IGF1R: variants seen among roughly 807,000 people sequenced by gnomAD.
IGF1R encodes insulin-like growth factor 1 receptor.
IGF1R carries 44 observed loss-of-function variants against 144.6 expected under a neutral mutation model. The observed-to-expected ratio is 0.30, with a 90% CI of 0.24 to 0.39. The LOEUF is 0.39. Among genes scored for constraint, IGF1R ranks in the 10% least tolerant of loss-of-function variants. IGF1R has a pLI of 1.00. For synonymous variants in IGF1R, 795 were observed against 722.8 expected (o/e 1.10, Z -1.60); for missense variants, 1,355 against 1,833.7 (o/e 0.74, Z 4.77).
intron 1 of IGF1R, among the ~76,000 whole-genome samples, chr15:98,661,955 C>CTTTTTTTTTTTTT (rs1567062333): frequency 2.8e-5 from 3 of 108,206 alleles, no homozygotes; most frequent in Admixed American, 9.6e-5. Context: ...TGAATAGGGC[C>CTTTTTTTTTTTTT]CTTTTTTTTT....
At chr15:98,903,406 C>T (rs2014579063) in intron 5 of IGF1R, among the ~76,000 whole-genome samples, 2 of 152,230 alleles carry the variant, frequency 1.3e-5, no homozygotes, top group East Asian at 1.9e-4. Context: ...CTCGACTGTG[C>T]AACACGCAGT....
chr15:98,855,361 C>T (rs958630209), intron 2 of IGF1R, among the ~76,000 whole-genome samples: 1 of 152,212 alleles, frequency 6.6e-6, no homozygotes, highest in African/African-American at 2.4e-5. Context: ...ATACCTTTTC[C>T]TTGAGGGAGT....
At chr15:98,655,539 C>T (rs2141167954) in intron 1 of IGF1R, among the ~76,000 whole-genome samples, 1 of 151,954 alleles carries the variant, frequency 6.6e-6, no homozygotes, top group East Asian at 1.9e-4. Flanking sequence ...TGAGTACTTA[C>T]TGGATGCAGT....
intron 2 of IGF1R, among the ~76,000 whole-genome samples, chr15:98,731,978 C>G (rs544939233): frequency 2.6e-4 from 39 of 152,166 alleles, no homozygotes; most frequent in Non-Finnish European, 4.9e-4. Context: ...GTCTTCACCC[C>G]CAAGCTCTGG....
intron 2 of IGF1R, among the ~76,000 whole-genome samples, chr15:98,751,151 T>A (rs902260563): frequency 1.3e-5 from 2 of 152,202 alleles, no homozygotes; most frequent in African/African-American, 4.8e-5. Flanking sequence ...TCGTTACATG[T>A]TTATTTCCTA....
chr15:98,871,829 A>T (rs2012802910), intron 2 of IGF1R, among the ~76,000 whole-genome samples: 1 of 152,244 alleles, frequency 6.6e-6, no homozygotes, highest in Non-Finnish European at 1.5e-5. Context: ...CTACAAGATG[A>T]GATTTGGGTG....
intron 2 of IGF1R, among the ~76,000 whole-genome samples, chr15:98,871,554 A>T (rs2012786209): frequency 6.6e-6 from 1 of 152,224 alleles, no homozygotes; most frequent in Non-Finnish European, 1.5e-5. Flanking sequence ...GACATACTCA[A>T]GACTGGGCAA....
intron 2 of IGF1R, among the ~76,000 whole-genome samples, chr15:98,766,401 G>T (rs2055438681): frequency 1.3e-5 from 2 of 152,056 alleles, no homozygotes; most frequent in Non-Finnish European, 2.9e-5. Context: ...TCGCTTAATG[G>T]ATTTATACTT....
intron 1 of IGF1R, among the ~76,000 whole-genome samples, chr15:98,665,750 A>T (rs1165867308): frequency 6.6e-6 from 1 of 152,194 alleles, no homozygotes; most frequent in South Asian, 2.1e-4. Flanking sequence ...TGGCTGCCAG[A>T]ACAGGAGAAG....
chr15:98,696,747 G>C (rs964941394), intron 1 of IGF1R, among the ~76,000 whole-genome samples: 1 of 152,212 alleles, frequency 6.6e-6, no homozygotes, highest in Admixed American at 6.5e-5. Flanking sequence ...CTGCTCAGGA[G>C]AAAGGTCTTC....
intron 2 of IGF1R, among the ~76,000 whole-genome samples, chr15:98,828,281 C>A (rs1279137253): frequency 1.3e-5 from 2 of 151,452 alleles, no homozygotes; most frequent in African/African-American, 4.9e-5. Context: ...CTGTTGGGAA[C>A]TTTTTTTTTA....
Position 98,929,573 on chromosome 15 carries a change from TC to T in IGF1R, c.2799del (p.Phe933LeufsTer4). ...TTTGCTGCAGCAGGATATGAAAACT[TC>T]ATCCATCTGATCATCGCTCTGCCCG... The part of the protein sequence containing the change: ...YVQAKTGYEN[F>X]IHLIIALPVA... On this transcript the variant is annotated frameshift_variant, in exon 14 of 21. Coordinates refer to ENST00000650285, the MANE Select transcript of IGF1R (RefSeq NM_000875.5). LOFTEE classifies it high-confidence loss of function. The T allele has an allele frequency of 6.2e-7, 1 of 1,613,952 alleles. No individual in the cohort carries two copies. The highest frequency in any genetic ancestry group is 8.5e-7 in the Non-Finnish European group (1 of 1,179,788).
chr15:98,836,736 C>A (rs1318693512), intron 2 of IGF1R, among the ~76,000 whole-genome samples: 1 of 152,198 alleles, frequency 6.6e-6, no homozygotes, highest in Non-Finnish European at 1.5e-5. Flanking sequence ...CTAGTCTTCT[C>A]CAGTCTGTAA....
At chr15:98,897,222 C>T (rs2014245039) in intron 4 of IGF1R, 1 of 363,826 alleles carries the variant, frequency 2.7e-6, no homozygotes, top group South Asian at 2.9e-5. Flanking sequence ...ACCATTGGAT[C>T]AGACGTGTGA....
At chr15:98,859,593 T>G (rs2012031997) in intron 2 of IGF1R, among the ~76,000 whole-genome samples, 1 of 152,262 alleles carries the variant, frequency 6.6e-6, no homozygotes, top group South Asian at 2.1e-4. Context: ...AACTTTACTG[T>G]ATCTGGGTTT....
Position 98,957,809 on chromosome 15 carries a change from A to C in IGF1R, c.*367A>C, listed in dbSNP as rs1448425123. ...GCTTCATAACGGAAAAATAATTGCC[A>C]CAAGTCCAGCTGGGAAGCCCTTTTT... On this transcript the variant is annotated 3_prime_UTR_variant, in exon 21 of 21. Transcript: ENST00000650285. The C allele has an allele frequency of 2.9e-6, 1 of 340,374 alleles. No individual in the cohort carries two copies. The highest frequency in any genetic ancestry group is 2.1e-5 in the African/African-American group (1 of 48,408). 21.1% of individuals were successfully genotyped at this position (340,374 alleles called of 1,614,324 possible).
At chr15:98,651,137 A>G (rs1287488711) in intron 1 of IGF1R, 1 of 877,000 alleles carries the variant, frequency 1.1e-6, no homozygotes, top group Non-Finnish European at 1.4e-6. Flanking sequence ...TGAAAAAATC[A>G]CGACTGAGCC....
Position 98,674,977 on chromosome 15 carries a change from A to ATTTTTTTTTTTT in IGF1R, c.94+25315_94+25326dup, listed in dbSNP as rs71149408. On this transcript the variant is annotated intron_variant, in intron 1 of 20. Transcript: ENST00000650285. ...AAATGCTAAATTTAGGTATTTTACA[A>ATTTTTTTTTTTT]TTTTTTTTTTTTTTTTTTTTTTTTG... Among the ~76,000 whole-genome samples, 34 of 98,908 alleles carry ATTTTTTTTTTTT rather than the reference A, an allele frequency of 3.4e-4. 1 individual carries two copies. The highest frequency in any genetic ancestry group is 1.4e-3 in the African/African-American group (33 of 23,984). 64.9% of individuals were successfully genotyped at this position (98,908 alleles called of 152,430 possible).
At chr15:98,665,547 G>A (rs1022726575) in intron 1 of IGF1R, among the ~76,000 whole-genome samples, 22 of 152,184 alleles carry the variant, frequency 1.4e-4, no homozygotes, top group African/African-American at 4.8e-4. Flanking sequence ...GCCTGGTCAC[G>A]AGCATGAGGG....
Sources: gnomAD v4.1 joint callset for allele counts (sites outside exome capture counted in the v4.1 genomes callset) on GRCh38, gnomAD v4.1.1 for gene constraint, MANE v1.5 for transcripts, NCBI Gene and HGNC (gene_info 2026-07-23, HGNC 2026-07-21) for gene names.